CAMK1D: variants seen among roughly 807,000 people sequenced by gnomAD.
CAMK1D encodes the protein calcium/calmodulin dependent protein kinase ID.
In CAMK1D, 9 loss-of-function variants were observed where a neutral mutation model predicts 47.7. The ratio of observed to expected loss-of-function variants is 0.19; its 90% CI spans 0.11 to 0.33. CAMK1D has a LOEUF of 0.33. CAMK1D is among the 10% of genes least tolerant of loss of function. CAMK1D has a pLI of 1.00. For synonymous variants in CAMK1D, 184 were observed against 184.9 expected, an observed-to-expected ratio of 0.99 and a Z score of 0.04; for missense variants, 291 against 488.7, an observed-to-expected ratio of 0.60 and a Z score of 3.81.
intron 1 of CAMK1D, among the ~76,000 whole-genome samples, chr10:12,549,969 A>G (rs992591632): frequency 7.2e-5 from 11 of 152,176 alleles, no homozygotes; most frequent in Non-Finnish European, 1.5e-4. Flanking sequence ...ACAGGCTTCC[A>G]AGGGTCCGAT....
At chr10:12,526,655 A>G (rs991320628) in intron 1 of CAMK1D, among the ~76,000 whole-genome samples, 1 of 151,988 alleles carries the variant, frequency 6.6e-6, no homozygotes, top group Non-Finnish European at 1.5e-5. Flanking sequence ...TGGTGGCTCA[A>G]GCCTGTAATC....
In CAMK1D at chr10:12,786,168, A is replaced by T. The variant is rs959185724; in HGVS notation, c.566-4990A>T. Among the ~76,000 whole-genome samples the T allele has an allele frequency of 2.4e-4, 36 of 152,160 alleles. 1 individual carries two copies. Among genetic ancestry groups the T allele is most frequent in the African/African-American group, 8.4e-4 (35 of 41,438 alleles). ...GTATGGGTGTGTGTGCCATTATGCA[A>T]TTTTAAAAATATTTCATGTTGGTGG... On this transcript the variant is annotated intron_variant, in intron 5 of 10. Coordinates refer to ENST00000619168, the MANE Select transcript of CAMK1D (RefSeq NM_153498.4).
intron 1 of CAMK1D, among the ~76,000 whole-genome samples, chr10:12,486,221 C>T (rs992434779): frequency 5.8e-4 from 88 of 151,582 alleles, no homozygotes; most frequent in African/African-American, 1.7e-3. Context: ...TACAGTGGCA[C>T]GATCCCAGCT....
At chr10:12,615,578 T>C (rs10906185) in intron 2 of CAMK1D, among the ~76,000 whole-genome samples, 10 of 13,232 alleles carry the variant, frequency 7.6e-4, no homozygotes, top group Middle Eastern at 0.023. Context: ...TGTGTGTGCG[T>C]GTGTGTAGGT....
intron 3 of CAMK1D, among the ~76,000 whole-genome samples, chr10:12,708,484 A>G (rs1344961506): frequency 1.3e-5 from 2 of 152,320 alleles, no homozygotes; most frequent in Admixed American, 1.3e-4. Context: ...ATATAGAATA[A>G]TAAAACTGTG....
At chr10:12,573,417 G>T (rs1300087945) in intron 2 of CAMK1D, among the ~76,000 whole-genome samples, 1 of 149,996 alleles carries the variant, frequency 6.7e-6, no homozygotes, top group Non-Finnish European at 1.5e-5. Flanking sequence ...GAGATGCACT[G>T]CAGTCATTGG....
At chr10:12,490,378 T>C (rs1346256014) in intron 1 of CAMK1D, among the ~76,000 whole-genome samples, 2 of 152,104 alleles carry the variant, frequency 1.3e-5, no homozygotes, top group Non-Finnish European at 2.9e-5. Flanking sequence ...GAGGGGGAAC[T>C]GGGGGACTGG....
intron 2 of CAMK1D, among the ~76,000 whole-genome samples, chr10:12,584,745 G>A (rs543455902): frequency 6.6e-6 from 1 of 152,236 alleles, no homozygotes; most frequent in East Asian, 1.9e-4. Flanking sequence ...GCTTGAGCCC[G>A]GGAGGTCAAA....
At chr10:12,358,141 C>G (rs892968053) in intron 1 of CAMK1D, among the ~76,000 whole-genome samples, 1 of 152,132 alleles carries the variant, frequency 6.6e-6, no homozygotes, top group African/African-American at 2.4e-5. Flanking sequence ...AGAAGGATCA[C>G]TTGAGGCTGG....
In CAMK1D at chr10:12,828,935, C is replaced by T. The variant is rs1311981872; in HGVS notation, c.*48C>T. On this transcript the variant is annotated 3_prime_UTR_variant, in exon 11 of 11. Coordinates refer to ENST00000619168, the MANE Select transcript of CAMK1D (RefSeq NM_153498.4). ...GGGTCGGGGCTGGGGAAGGGGAGCCCCAGGGTCGCCAGAGCCGCGAGCCAC... is the reference window on the plus strand; with the variant it reads ...GGGTCGGGGCTGGGGAAGGGGAGCCTCAGGGTCGCCAGAGCCGCGAGCCAC... The T allele has an allele frequency of 4.3e-6, 6 of 1,397,258 alleles. No individual in the cohort carries two copies. Among genetic ancestry groups the T allele is most frequent in the Non-Finnish European group, 5.8e-6 (6 of 1,038,844 alleles). The allele number at this position is 1,397,258 out of a possible 1,614,324, so 86.6% of individuals were successfully genotyped here. A position where few individuals can be genotyped will look rare whatever the true frequency, so the allele number is the denominator to read the frequency against.
chr10:12,599,261 T>C (rs1588675917), intron 2 of CAMK1D, among the ~76,000 whole-genome samples: 2 of 152,292 alleles, frequency 1.3e-5, no homozygotes, highest in Admixed American at 1.3e-4. Flanking sequence ...GTGGAAGTGA[T>C]TCCCTGCTGC....
At chr10:12,694,056 A>AAG (rs1223190931) in intron 3 of CAMK1D, among the ~76,000 whole-genome samples, 1 of 56,066 alleles carries the variant, frequency 1.8e-5, no homozygotes, top group Non-Finnish European at 2.8e-5. Context: ...AATATATATT[A>AAG]TATATATAAT....
At position 12,760,888 on chromosome 10, in the gene CAMK1D, A is replaced by G; in HGVS notation, c.300-60A>G. ...AGTTTGGGATTTTTTTCACATTGGA[A>G]GCTTTCCCTTCACAATTCAACAGAT... On this transcript the variant is annotated intron_variant, in intron 3 of 10. Coordinates refer to ENST00000619168, the MANE Select transcript of CAMK1D (RefSeq NM_153498.4). The G allele has an allele frequency of 1.9e-6, 3 of 1,561,818 alleles. No individual in the cohort carries two copies. In the South Asian group the frequency reaches 3.4e-5, roughly 18 times the overall value.
intron 2 of CAMK1D, among the ~76,000 whole-genome samples, chr10:12,652,915 T>C (rs1156522632): frequency 6.6e-6 from 1 of 152,226 alleles, no homozygotes; most frequent in Non-Finnish European, 1.5e-5. Context: ...ATGAAGAAAT[T>C]AATTCTTAAG....
In CAMK1D at chr10:12,827,444, TTTCTTTCTTTTCTTTCTTTGTCTGTCTG is replaced by T. The variant is rs1564594005; in HGVS notation, c.1040-1323_1040-1296del. ...CTTTCCTTCCTTCCTTCCTTCTTTCTTTCTTTCTTTTCTTTCTTTGTCTGTCTGTCTTTCTTTCTTTCTTTCTTTCTTT... is the reference window on the plus strand; with the variant it reads ...CTTTCCTTCCTTCCTTCCTTCTTTCTTCTTTCTTTCTTTCTTTCTTTCTTT... On this transcript the variant is annotated intron_variant, in intron 10 of 10. Coordinates refer to ENST00000619168, the MANE Select transcript of CAMK1D (RefSeq NM_153498.4). 1.1e-4 allele frequency among the ~76,000 whole-genome samples: 5 copies of T among 45,668 alleles called. 1 individual carries two copies. The highest frequency in any genetic ancestry group is 2.3e-4 in the African/African-American group (4 of 17,124). 30.0% of individuals were successfully genotyped at this position (45,668 alleles called of 152,430 possible).
intron 4 of CAMK1D, among the ~76,000 whole-genome samples, chr10:12,765,958 CTTTTTT>C (rs147498267): frequency 1.2e-5 from 1 of 86,504 alleles, no homozygotes; most frequent in African/African-American, 4.7e-5. Flanking sequence ...CCATCCTAAT[CTTTTTT>C]TTTTTTTTTT....
chr10:12,373,635 A>AAAAC lies in CAMK1D; in HGVS notation c.92+23741_92+23744dup, dbSNP rs139472444. ...TGACAGAGGGAGGCTCCATCTCAAA[A>AAAAC]AAACAAACAAACAAACAAAAAAACA... On this transcript the variant is annotated intron_variant, in intron 1 of 10. Coordinates refer to ENST00000619168, the MANE Select transcript of CAMK1D (RefSeq NM_153498.4). Among the ~76,000 whole-genome samples, 1,059 of 152,144 alleles carry AAAAC rather than the reference A, an allele frequency of 7.0e-3. 9 individuals carry two copies. Among genetic ancestry groups the AAAAC allele is most frequent in the African/African-American group, 0.022 (906 of 41,484 alleles).
intron 2 of CAMK1D, among the ~76,000 whole-genome samples, chr10:12,651,011 C>A (rs1359853307): frequency 6.6e-6 from 1 of 152,228 alleles, no homozygotes; most frequent in Admixed American, 6.5e-5. Flanking sequence ...CCCGACGGGG[C>A]TTCATGAGAC....
chr10:12,532,257 A>G (rs1157353767), intron 1 of CAMK1D, among the ~76,000 whole-genome samples: 1 of 151,956 alleles, frequency 6.6e-6, no homozygotes, highest in African/African-American at 2.4e-5. Flanking sequence ...ACTTGGCCAC[A>G]AGAGTCCTGT....
Sources: gnomAD v4.1 joint callset for allele counts (sites outside exome capture counted in the v4.1 genomes callset) on GRCh38, gnomAD v4.1.1 for gene constraint, MANE v1.5 for transcripts, NCBI Gene and HGNC (gene_info 2026-07-23, HGNC 2026-07-21) for gene names.